TYMS: variants seen among roughly 807,000 people sequenced by gnomAD.
TYMS encodes the protein thymidylate synthase.
In TYMS, 21 loss-of-function variants were observed where a neutral mutation model predicts 39.3. The ratio of observed to expected loss-of-function variants is 0.54; its 90% confidence interval spans 0.38 to 0.77. The LOEUF (loss-of-function observed/expected upper bound fraction) is 0.77. TYMS is among the 30% of genes least tolerant of loss of function. The pLI, the probability that TYMS is intolerant of heterozygous loss-of-function variation, is 0.00. For missense variants in TYMS, 273 were observed against 406.7 expected, an observed-to-expected ratio of 0.67 and a Z score of 2.83; for synonymous variants, 171 against 162.2, an observed-to-expected ratio of 1.05 and a Z score of -0.41.
rs1186037364 is a variant in TYMS at position 662,502 on chromosome 18, CTCT to C, written c.454+184_454+186del. The stretch of plus-strand genomic sequence containing the variant: ...TAAGCCTCATGAAGGCCGTTTCACA[CTCT>C]TTTTTTTTTTTTTTTTTAATTATTA... On this transcript the variant is annotated intron_variant, in intron 3 of 6. Coordinates refer to ENST00000323274, the MANE Select transcript of TYMS (RefSeq NM_001071.4). 6.5e-5 allele frequency among the ~76,000 whole-genome samples: 8 copies of C among 122,962 alleles called. No individual in the cohort carries two copies. In the East Asian group the frequency reaches 9.3e-4, roughly 14 times the overall value. 80.7% of individuals were successfully genotyped at this position (122,962 alleles called of 152,430 possible).
Position 666,989 on chromosome 18 carries a change from ATGGT to A in TYMS, c.455-2082_455-2079del, listed in dbSNP as rs1384257427. 2.6e-4 allele frequency among the ~76,000 whole-genome samples: 2 copies of A among 7,744 alleles called. 1 individual carries two copies. Among genetic ancestry groups the A allele is most frequent in the Non-Finnish European group, 6.7e-4 (2 of 3,000 alleles). 5.1% of individuals were successfully genotyped at this position (7,744 alleles called of 152,430 possible). A position where few individuals can be genotyped will look rare whatever the true frequency, so the allele number is the denominator to read the frequency against. On this transcript the variant is annotated intron_variant, in intron 3 of 6. Coordinates refer to ENST00000323274, the MANE Select transcript of TYMS (RefSeq NM_001071.4). ...GATGGTGATGGAGATGGAGATGGTG[ATGGT>A]GATGGAGATGGTGATGGTGATGGAG...
At position 673,020 on chromosome 18, in the gene TYMS, G is replaced by A. The variant is rs369868421; in HGVS notation, c.*23G>A. On this transcript the variant is annotated 3_prime_UTR_variant, in exon 7 of 7. Coordinates refer to ENST00000323274, the MANE Select transcript of TYMS (RefSeq NM_001071.4). ...TAGGGTGCTTTCAAAGGAGCTCGAA[G>A]GATATTGTCAGTCTTTAGGGGTTGG... 1 of 1,523,026 alleles carries A rather than the reference G, an allele frequency of 6.6e-7. No homozygotes were observed. Among genetic ancestry groups the A allele is most frequent in the African/African-American group, 1.4e-5 (1 of 73,868 alleles). The allele number at this position is 1,523,026 out of a possible 1,614,324, so 94.3% of individuals were successfully genotyped here. A position where few individuals can be genotyped will look rare whatever the true frequency, so the allele number is the denominator to read the frequency against.
At chr18:659,195 G>C (rs2074729694) in intron 1 of TYMS, among the ~76,000 whole-genome samples, 1 of 152,166 alleles carries the variant, frequency 6.6e-6, no homozygotes, top group African/African-American at 2.4e-5. Context: ...AGCGAGTGCG[G>C]ATGAACGAGG....
chr18:666,533 G>T (rs36080427), intron 3 of TYMS, among the ~76,000 whole-genome samples: 3,394 of 152,264 alleles, frequency 0.022, 128 homozygotes, highest in African/African-American at 0.078. Context: ...TGCCACCTTG[G>T]AATGTGGGGT....
Position 672,874 on chromosome 18 carries a change from C to A in TYMS, c.819C>A (p.Pro273=). The A allele has an allele frequency of 6.3e-7, 1 of 1,583,732 alleles. No homozygotes were observed. The highest frequency in any genetic ancestry group is 8.6e-7 in the Non-Finnish European group (1 of 1,156,802). The change falls in exon 7 of 7, where the codon CCC becomes CCA. Residue 273 remains proline, a synonymous_variant. Coordinates refer to ENST00000323274, the MANE Select transcript of TYMS (RefSeq NM_001071.4). ...TTTGTTTTTAGCTTCAGCGAGAACC[C>A]AGACCTTTCCCAAAGCTCAGGATTC... is the stretch of plus-strand genomic sequence containing the variant. ...EPLKIQLQRE[P]RPFPKLRILR...
intron 2 of TYMS, 65 bp downstream of exon 2, chr18:659,779 T>G: frequency 7.0e-7 from 1 of 1,431,628 alleles, no homozygotes; most frequent in Admixed American, 1.7e-5. Flanking sequence ...GTGAGATCCT[T>G]TCAAAACTCA....
intron 3 of TYMS, among the ~76,000 whole-genome samples, chr18:666,956 GAGATGGA>G (rs1230387957): frequency 6.6e-4 from 11 of 16,692 alleles, no homozygotes; most frequent in Non-Finnish European, 7.5e-4. Flanking sequence ...GATGGTGATG[GAGATGGA>G]GATGGTGATG....
intron 3 of TYMS, among the ~76,000 whole-genome samples, chr18:666,698 A>G (rs976417008): frequency 1.3e-5 from 2 of 152,244 alleles, no homozygotes; most frequent in Non-Finnish European, 2.9e-5. Context: ...TCTATATTTT[A>G]TGTGCGGTCA....
At chr18:662,438 T>G (rs2074765762) in intron 3 of TYMS, 118 bp downstream of exon 3, 14 of 942,428 alleles carry the variant, frequency 1.5e-5, no homozygotes, top group Non-Finnish European at 1.5e-5. Context: ...GATGTATAGC[T>G]TTGACCTTGT....
chr18:661,856 A>G (rs2074758941), intron 2 of TYMS, among the ~76,000 whole-genome samples: 1 of 152,214 alleles, frequency 6.6e-6, no homozygotes, highest in Admixed American at 6.5e-5. Flanking sequence ...GTAGTGGCGC[A>G]TGCCTGTAAT....
At chr18:665,118 G>T (rs1257771057) in intron 3 of TYMS, among the ~76,000 whole-genome samples, 3 of 151,118 alleles carry the variant, frequency 2.0e-5, no homozygotes, top group Non-Finnish European at 4.4e-5. Flanking sequence ...TGTACCTCTG[G>T]TAGAATTCGG....
At chr18:669,275 C>T in intron 4 of TYMS, 102 bp downstream of exon 4, 1 of 874,110 alleles carries the variant, frequency 1.1e-6, no homozygotes, top group Non-Finnish European at 1.7e-6. Context: ...ACCCTGGGAA[C>T]TTCCCCCAGC....
intron 3 of TYMS, among the ~76,000 whole-genome samples, chr18:665,144 G>A (rs1421209974): frequency 1.4e-5 from 2 of 144,130 alleles, no homozygotes; most frequent in Non-Finnish European, 3.0e-5. Context: ...AATCCATCTG[G>A]TCCTGGACTC....
At chr18:666,242 G>C (rs942417199) in intron 3 of TYMS, among the ~76,000 whole-genome samples, 9 of 151,470 alleles carry the variant, frequency 5.9e-5, no homozygotes, top group Non-Finnish European at 1.0e-4. Flanking sequence ...GTTGGTGTTC[G>C]TGCTGGGGAA....
chr18:670,130 A>G (rs35914751), intron 4 of TYMS, among the ~76,000 whole-genome samples: 1 of 148,908 alleles, frequency 6.7e-6, no homozygotes, highest in African/African-American at 2.5e-5. Context: ...GGCAACCTCC[A>G]TCTCCCAGGT....
chr18:662,024 G>A lies in TYMS; in HGVS notation c.280-122G>A, dbSNP rs1028743728. ...ATGGGTTCCATATGGGTGGTGTCAA[G>A]TGCCCACCTCCTAGCAAGTCAGCAG... On this transcript the variant is annotated intron_variant, in intron 2 of 6. Transcript: ENST00000323274. The A allele has an allele frequency of 3.8e-6, 4 of 1,041,902 alleles. No individual in the cohort carries two copies. The African/African-American group carries it at 6.5e-5, about 17-fold the overall frequency. The allele number at this position is 1,041,902 out of a possible 1,614,324, so 64.5% of individuals were successfully genotyped here.
Position 658,402 on chromosome 18 carries a change from G to C in TYMS, c.205+455G>C. 1 of 1,220,990 alleles carries C rather than the reference G, an allele frequency of 8.2e-7. No homozygotes were observed. The highest frequency in any genetic ancestry group is 1.1e-6 in the Non-Finnish European group (1 of 940,658). 75.6% of individuals were successfully genotyped at this position (1,220,990 alleles called of 1,614,324 possible). A position where few individuals can be genotyped will look rare whatever the true frequency, so the allele number is the denominator to read the frequency against. On this transcript the variant is annotated intron_variant, in intron 1 of 6. Coordinates refer to ENST00000323274, the MANE Select transcript of TYMS (RefSeq NM_001071.4). This position sits in a 1 kb window ranked among gnomAD's most constrained non-coding sequence, Gnocchi z 4.5. ...TCAAAAACTGGAGCGAAAGTGATGT[G>C]GGCGGGGCAAAGGCGGCGGGAAGAG...
At chr18:671,712 G>C in intron 6 of TYMS, 1 of 496,528 alleles carries the variant, frequency 2.0e-6, no homozygotes, top group Non-Finnish European at 3.5e-6. Context: ...TCAAGCCAGG[G>C]GATTGTCCAA....
chr18:657,901 C>A lies in TYMS; in HGVS notation c.159C>A (p.Thr53=). 2 of 1,513,320 alleles carry A rather than the reference C, an allele frequency of 1.3e-6. No homozygotes were observed. The highest frequency in any genetic ancestry group is 1.8e-6 in the Non-Finnish European group (2 of 1,136,572). The allele number at this position is 1,513,320 out of a possible 1,614,324, so 93.7% of individuals were successfully genotyped here. The change falls in exon 1 of 7, where the codon ACC becomes ACA. Residue 53 remains threonine (T), a synonymous_variant. Coordinates refer to ENST00000323274, the MANE Select transcript of TYMS (RefSeq NM_001071.4). ...TCAGGAAGGACGACCGCACGGGCACCGGCACCCTGTCGGTATTCGGCATGC... is the reference window on the plus strand; with the variant it reads ...TCAGGAAGGACGACCGCACGGGCACAGGCACCCTGTCGGTATTCGGCATGC... ...CGVRKDDRTG[T]GTLSVFGMQA... is the part of the protein sequence containing the mutation.
Sources: allele counts gnomAD v4.1 joint callset (sites outside exome capture counted in the v4.1 genomes callset), GRCh38; gene constraint gnomAD v4.1.1; non-coding constraint Gnocchi (gnomAD v3.1); transcripts MANE v1.5; gene names NCBI Gene and HGNC (gene_info 2026-07-23, HGNC 2026-07-21).